TMEM108: variants seen among roughly 807,000 people sequenced by gnomAD.
The protein encoded by TMEM108 is transmembrane protein 108.
TMEM108 carries 12 observed loss-of-function variants against 35.1 expected under a neutral mutation model. The ratio of observed to expected loss-of-function variants is 0.34; its 90% CI spans 0.22 to 0.55. The LOEUF is 0.55. Among genes scored for constraint, TMEM108 ranks in the 20% least tolerant of loss-of-function variants. The pLI, the probability that TMEM108 is intolerant of heterozygous loss-of-function variation, is 0.89. For missense variants in TMEM108, 680 were observed against 753.3 expected (o/e 0.90, Z 1.14); for synonymous variants, 287 against 308.6 (o/e 0.93, Z 0.73).
intron 2 of TMEM108, among the ~76,000 whole-genome samples, chr3:133,201,123 A>C (rs1319659044): frequency 6.6e-6 from 1 of 152,302 alleles, no homozygotes; most frequent in South Asian, 2.1e-4. Flanking sequence ...CTGCCTTCCC[A>C]GAACTTACAT....
intron 2 of TMEM108, among the ~76,000 whole-genome samples, chr3:133,117,652 G>T (rs754650420): frequency 2.6e-5 from 4 of 152,156 alleles, no homozygotes; most frequent in Non-Finnish European, 4.4e-5. Context: ...CTGTTTGTTT[G>T]CTTGTGGCAA....
intron 2 of TMEM108, among the ~76,000 whole-genome samples, chr3:133,122,961 A>G (rs894814256): frequency 2.0e-5 from 3 of 152,192 alleles, no homozygotes; most frequent in African/African-American, 7.2e-5. Flanking sequence ...ATCATTCCTT[A>G]AAGGTAACCA....
At chr3:133,266,997 G>A (rs1423636612) in intron 3 of TMEM108, among the ~76,000 whole-genome samples, 1 of 150,276 alleles carries the variant, frequency 6.7e-6, no homozygotes, top group East Asian at 2.0e-4. Context: ...GGAGAATGGC[G>A]TGAACCCAGG....
At chr3:133,354,649 G>A (rs1397312908) in intron 3 of TMEM108, among the ~76,000 whole-genome samples, 1 of 152,084 alleles carries the variant, frequency 6.6e-6, no homozygotes, top group Non-Finnish European at 1.5e-5. Context: ...TGGCCATATA[G>A]CAGGGTACTT....
Position 133,138,113 on chromosome 3 carries a change from C to G in TMEM108, c.-46-91153C>G, listed in dbSNP as rs532172321. On this transcript the variant is annotated intron_variant, in intron 2 of 5. Transcript: ENST00000321871. ...TGTTTTCCCTGGGACTTGTAGATAC[C>G]CAGCCAAAAGAGTAGAGTATTTTTA... 3.2e-4 allele frequency among the ~76,000 whole-genome samples: 49 copies of G among 152,112 alleles called. No individual in the cohort carries two copies. The South Asian group carries it at 0.01, about 32-fold the overall frequency.
At chr3:133,052,297 T>C (rs1326564088) in intron 2 of TMEM108, among the ~76,000 whole-genome samples, 2 of 152,120 alleles carry the variant, frequency 1.3e-5, no homozygotes. Flanking sequence ...ATTGCTGATA[T>C]GTAGGAAAAC....
chr3:133,392,258 G>A (rs550442232), intron 5 of TMEM108, among the ~76,000 whole-genome samples: 13 of 124,562 alleles, frequency 1.0e-4, no homozygotes, highest in African/African-American at 3.0e-4. Flanking sequence ...TGCCTCCCAG[G>A]TTCAAGTGAT....
chr3:133,264,295 A>G (rs1946666801), intron 3 of TMEM108, among the ~76,000 whole-genome samples: 1 of 144,614 alleles, frequency 6.9e-6, no homozygotes, highest in African/African-American at 2.4e-5. Context: ...ATAGAGCAAG[A>G]CTGAGTCTCA....
At chr3:133,305,038 G>A (rs934313694) in intron 3 of TMEM108, among the ~76,000 whole-genome samples, 5 of 151,922 alleles carry the variant, frequency 3.3e-5, no homozygotes, top group African/African-American at 4.8e-5. Flanking sequence ...AGCCAAGATC[G>A]CACCACTGCA....
At chr3:133,166,292 TG>T (rs1248319266) in intron 2 of TMEM108, among the ~76,000 whole-genome samples, 11 of 152,220 alleles carry the variant, frequency 7.2e-5, no homozygotes, top group African/African-American at 2.4e-4. Context: ...CAAACCACCA[TG>T]GCACACATTT....
At chr3:133,125,550 T>TG (rs1475666050) in intron 2 of TMEM108, among the ~76,000 whole-genome samples, 1 of 152,058 alleles carries the variant, frequency 6.6e-6, no homozygotes, top group African/African-American at 2.4e-5. Flanking sequence ...GAATACAATT[T>TG]GGGGGGTAGG....
intron 3 of TMEM108, among the ~76,000 whole-genome samples, chr3:133,264,168 C>CT (rs58978021): frequency 1.3e-5 from 2 of 151,284 alleles, no homozygotes; most frequent in African/African-American, 2.4e-5. Flanking sequence ...AAATAGAAAA[C>CT]TTTTTTTTAA....
At chr3:133,307,968 G>A (rs1373970576) in intron 3 of TMEM108, among the ~76,000 whole-genome samples, 1 of 152,066 alleles carries the variant, frequency 6.6e-6, no homozygotes, top group African/African-American at 2.4e-5. Context: ...CCATTTTCAC[G>A]ATATTGATTC....
intron 3 of TMEM108, among the ~76,000 whole-genome samples, chr3:133,281,941 A>G (rs548804338): frequency 6.6e-6 from 1 of 152,282 alleles, no homozygotes; most frequent in South Asian, 2.1e-4. Context: ...GCGGATCATG[A>G]GGTCAGGAGA....
intron 3 of TMEM108, among the ~76,000 whole-genome samples, chr3:133,302,283 G>T (rs556228368): frequency 6.6e-6 from 1 of 152,282 alleles, no homozygotes; most frequent in African/African-American, 2.4e-5. Context: ...GTGCACGGGT[G>T]TGCACACACA....
intron 2 of TMEM108, among the ~76,000 whole-genome samples, chr3:133,087,097 T>G (rs1384280830): frequency 1.3e-5 from 2 of 152,172 alleles, no homozygotes; most frequent in African/African-American, 2.4e-5. Flanking sequence ...CACCAGCAGT[T>G]GGGTGCAGCC....
chr3:133,233,002 T>C (rs1394270979), intron 3 of TMEM108, among the ~76,000 whole-genome samples: 1 of 151,698 alleles, frequency 6.6e-6, no homozygotes, highest in Admixed American at 6.6e-5. Flanking sequence ...TCAGACAGGT[T>C]CAAATCCTAG....
chr3:133,389,306 A>C (rs2073198412), intron 4 of TMEM108: 1 of 985,374 alleles, frequency 1.0e-6, no homozygotes, highest in Non-Finnish European at 1.2e-6. Flanking sequence ...CACTGTGCTC[A>C]GTCAAGCTGT....
At chr3:133,379,556 C>T (rs2072939787) in intron 3 of TMEM108, among the ~76,000 whole-genome samples, 196 bp from the exon 4 acceptor site, 1 of 152,084 alleles carries the variant, frequency 6.6e-6, no homozygotes. Flanking sequence ...CAGCAGGTAC[C>T]AGGCAGCACC....
Sources: gnomAD v4.1 joint callset for allele counts (sites outside exome capture counted in the v4.1 genomes callset) on GRCh38, gnomAD v4.1.1 for gene constraint, MANE v1.5 for transcripts, NCBI Gene and HGNC (gene_info 2026-07-23, HGNC 2026-07-21) for gene names.